SRGAP3: variants seen among roughly 807,000 people sequenced by gnomAD.
The protein encoded by SRGAP3 is SLIT-ROBO Rho GTPase-activating protein 3.
In SRGAP3, 39 loss-of-function variants were observed where a neutral mutation model predicts 121.1. That is an observed-to-expected ratio of 0.32 (90% CI 0.25 to 0.42). SRGAP3 has a LOEUF of 0.42. Among genes scored for constraint, SRGAP3 ranks in the 10% least tolerant of loss-of-function variants. The pLI, the probability that SRGAP3 is intolerant of heterozygous loss-of-function variation, is 1.00. For synonymous variants in SRGAP3, 601 were observed against 570.0 expected (o/e 1.05, Z -0.77); for missense variants, 1,213 against 1,470.6 (o/e 0.82, Z 2.86).
At chr3:9,036,431 T>C (rs1276044206) in intron 11 of SRGAP3, 1 of 152,230 alleles carries the variant, frequency 6.6e-6, no homozygotes, top group African/African-American at 2.4e-5. Context: ...ATGTCTGCAA[T>C]TGAACGCAGG....
chr3:9,159,493 C>T (rs995075884), intron 1 of SRGAP3, among the ~76,000 whole-genome samples: 2 of 152,146 alleles, frequency 1.3e-5, no homozygotes, highest in East Asian at 3.9e-4. Context: ...GGCCCCCTGC[C>T]GCCACATCAG....
At chr3:9,214,799 A>G (rs1284727469) in intron 1 of SRGAP3, among the ~76,000 whole-genome samples, 2 of 152,218 alleles carry the variant, frequency 1.3e-5, no homozygotes, top group African/African-American at 4.8e-5. Context: ...ATCTCTATCC[A>G]AGAGTTGCAA....
chr3:9,232,722 C>T (rs992538284), intron 1 of SRGAP3, among the ~76,000 whole-genome samples: 6 of 152,112 alleles, frequency 3.9e-5, no homozygotes, highest in Non-Finnish European at 7.4e-5. Flanking sequence ...ATGCAGATTC[C>T]CAGGGTCCAC....
chr3:9,149,213 C>CAAAAAA (rs548286364), intron 1 of SRGAP3, among the ~76,000 whole-genome samples: 1 of 56,596 alleles, frequency 1.8e-5, no homozygotes, highest in Non-Finnish European at 3.8e-5. Context: ...GACTCCGTCT[C>CAAAAAA]AAAAAAAAAA....
intron 1 of SRGAP3, among the ~76,000 whole-genome samples, chr3:9,152,533 G>T (rs185569630): frequency 3.3e-5 from 5 of 152,350 alleles, no homozygotes; most frequent in Admixed American, 2.0e-4. Context: ...AAGTGAGCAG[G>T]GGGAGGAAGC....
At chr3:9,210,530 T>C (rs1952414073) in intron 1 of SRGAP3, among the ~76,000 whole-genome samples, 1 of 151,612 alleles carries the variant, frequency 6.6e-6, no homozygotes, top group African/African-American at 2.4e-5. Context: ...GATCAATAAA[T>C]TCTCACATGA....
At chr3:9,001,428 C>A (rs1942764361) in intron 18 of SRGAP3, among the ~76,000 whole-genome samples, 1 of 152,028 alleles carries the variant, frequency 6.6e-6, no homozygotes, top group Admixed American at 6.5e-5. Context: ...GTGAAAACAT[C>A]ATTAAAGAAG....
At chr3:8,992,708 T>C (rs1942131278) in intron 20 of SRGAP3, 198 bp downstream of exon 20, 5 of 796,390 alleles carry the variant, frequency 6.3e-6, no homozygotes, top group Non-Finnish European at 8.4e-6. Flanking sequence ...TCCTCCTCCC[T>C]GCAACACAGG....
chr3:9,211,237 T>C (rs931728045), intron 1 of SRGAP3, among the ~76,000 whole-genome samples: 6 of 152,212 alleles, frequency 3.9e-5, no homozygotes, highest in African/African-American at 1.2e-4. Context: ...GAAAATTGAC[T>C]CTGTTTTGTT....
chr3:9,341,793 C>T (rs953191907), intron 1 of SRGAP3, among the ~76,000 whole-genome samples: 1 of 152,152 alleles, frequency 6.6e-6, no homozygotes, highest in Non-Finnish European at 1.5e-5. Context: ...GCCACCGCAC[C>T]GGGCCTGGGC....
Position 9,064,506 on chromosome 3 carries a change from C to G in SRGAP3, c.562G>C (p.Glu188Gln). 1 of 1,614,196 alleles carries G rather than the reference C, an allele frequency of 6.2e-7. No homozygotes were observed. The highest frequency in any genetic ancestry group is 8.5e-7 in the Non-Finnish European group (1 of 1,180,036). Residue 188 changes from glutamate to glutamine, a missense_variant, in exon 5 of 22, where the codon GAG (glutamate) becomes CAG (glutamine). By Grantham distance (29) the Glu-to-Gln change is conservative. Transcript: ENST00000383836. ...ESKLKEAEKQ[E>Q]EKQFNKSGDL... ...CCTGACTTATTGAACTGCTTCTCCT[C>G]CTGCTTCTCAGCCTCCTTCAGCTTG...
At chr3:9,085,295 T>C (rs1304368125) in intron 3 of SRGAP3, among the ~76,000 whole-genome samples, 1 of 152,252 alleles carries the variant, frequency 6.6e-6, no homozygotes, top group African/African-American at 2.4e-5. Context: ...AGCCTCTTCC[T>C]GTCTCAACTC....
At chr3:9,157,096 A>C (rs909599082) in intron 1 of SRGAP3, among the ~76,000 whole-genome samples, 4 of 152,164 alleles carry the variant, frequency 2.6e-5, no homozygotes, top group Non-Finnish European at 4.4e-5. Context: ...CACACCGCTA[A>C]AAAGAACAAC....
Position 9,210,158 on chromosome 3 carries a change from C to T in SRGAP3, c.67+38727G>A, listed in dbSNP as rs117972134. On this transcript the variant is annotated intron_variant, in intron 1 of 21. Transcript: ENST00000383836. ...TTGCCTAGAGATAAGGATGAGAACA[C>T]GGAGTGACTGCAAATGAGCAGAAGG... 1.3e-3 allele frequency among the ~76,000 whole-genome samples: 192 copies of T among 152,194 alleles called. 1 individual carries two copies. In the East Asian group the frequency reaches 0.014, roughly 11 times the overall value.
chr3:9,013,245 T>C (rs532296680), intron 17 of SRGAP3, 63 bp downstream of exon 17: 2 of 1,514,650 alleles, frequency 1.3e-6, no homozygotes, highest in African/African-American at 2.7e-5. Context: ...GGTTTCTTAT[T>C]GTTCCTATTC....
chr3:9,116,023 A>G (rs1948792582), intron 2 of SRGAP3, among the ~76,000 whole-genome samples: 1 of 152,222 alleles, frequency 6.6e-6, no homozygotes, highest in Non-Finnish European at 1.5e-5. Flanking sequence ...AGAAACCTTG[A>G]AAGAGAATTG....
intron 3 of SRGAP3, among the ~76,000 whole-genome samples, chr3:9,270,306 A>T (rs1053184387): frequency 6.6e-6 from 1 of 152,230 alleles, no homozygotes; most frequent in African/African-American, 2.4e-5. Context: ...ATCTTTACAT[A>T]TATGTGTATC....
chr3:9,138,004 G>A (rs1343103358), intron 1 of SRGAP3, among the ~76,000 whole-genome samples: 5 of 152,204 alleles, frequency 3.3e-5, no homozygotes, highest in African/African-American at 4.8e-5. Flanking sequence ...CCATTTAAAT[G>A]AGAAGAGATC....
intron 1 of SRGAP3, among the ~76,000 whole-genome samples, chr3:9,150,039 C>G (rs530830405): frequency 6.6e-6 from 1 of 152,104 alleles, no homozygotes; most frequent in Non-Finnish European, 1.5e-5. Context: ...GTAAACAGAC[C>G]ACGAAGGAGG....
Sources: allele counts gnomAD v4.1 joint callset (sites outside exome capture counted in the v4.1 genomes callset), GRCh38; gene constraint gnomAD v4.1.1; transcripts MANE v1.5; gene names NCBI Gene and HGNC (gene_info 2026-07-23, HGNC 2026-07-21).